The following PRSS1 variants were observed in gnomAD, a reference collection of about 807,000 sequenced individuals.
The protein encoded by PRSS1 is serine protease 1.
In PRSS1, 22 loss-of-function variants were observed where a neutral mutation model predicts 24.2. That is an observed-to-expected ratio of 0.91 (90% CI 0.65 to 1.30). The LOEUF is 1.30. PRSS1 is among the 50% of genes most tolerant of loss of function. The probability of loss-of-function intolerance (pLI) is 0.00; values close to 1 mark genes in which losing one functional copy is unlikely to be tolerated. For missense variants in PRSS1, 366 were observed against 304.2 expected (o/e 1.20, Z -1.51); for synonymous variants, 126 against 116.1 (o/e 1.08, Z -0.55).
At position 142,751,838 on chromosome 7, in the gene PRSS1, A is replaced by C. The variant is rs755816580; in HGVS notation, c.265A>C (p.Asn89His). The change falls in exon 3 of 5, where the codon AAT (asparagine) becomes CAT (histidine). Residue 89 changes from asparagine (N) to histidine (H), a missense_variant. Transcript: ENST00000311737. ...EVLEGNEQFI[N>H]AAKIIRHPQY... is the part of the protein sequence containing the mutation. ...CCTGGAGGGGAATGAGCAGTTCATCAATGCAGCCAAGATCATCCGCCACCC... is the reference window on the plus strand; with the variant it reads ...CCTGGAGGGGAATGAGCAGTTCATCCATGCAGCCAAGATCATCCGCCACCC... 1.9e-6 allele frequency: 3 copies of C among 1,608,626 alleles called. No individual in the cohort carries two copies. In the African/African-American group the frequency reaches 4.1e-5, roughly 22 times the overall value.
At chr7:142,752,128 A>C in intron 3 of PRSS1, 101 bp downstream of exon 3, 1 of 1,533,810 alleles carries the variant, frequency 6.5e-7, no homozygotes, top group Non-Finnish European at 9.0e-7. Context: ...GGCTTAAGAC[A>C]CATTTCGAGT....
chr7:142,749,603 C>G (rs1160870974), intron 1 of PRSS1, 79 bp downstream of exon 1: 3 of 1,529,112 alleles, frequency 2.0e-6, no homozygotes, highest in African/African-American at 2.7e-5. Context: ...CTTACCACCT[C>G]TCCTCTTTTG....
chr7:142,751,320 A>G (rs1267017996), intron 2 of PRSS1: 1 of 597,634 alleles, frequency 1.7e-6, no homozygotes. Context: ...AGTTCCCAGG[A>G]GATGCTAATG....
chr7:142,752,507 A>ATT lies in PRSS1; in HGVS notation c.531_532insTT (p.Lys178LeufsTer60). On this transcript the variant is annotated frameshift_variant, in exon 4 of 5. Coordinates refer to ENST00000311737, the MANE Select transcript of PRSS1 (RefSeq NM_002769.5). LOFTEE classifies it high-confidence loss of function. Reference sequence around the variant, plus strand: ...CTAAGTGTGAAGCCTCCTACCCTGGAAAGATTACCAGCAACATGTTCTGTG... The same window carrying ATT: ...CTAAGTGTGAAGCCTCCTACCCTGGATTAAGATTACCAGCAACATGTTCTGTG... The ATT allele has an allele frequency of 1.2e-6, 2 of 1,614,044 alleles. No homozygotes were observed. The highest frequency in any genetic ancestry group is 1.3e-5 in the African/African-American group (1 of 74,956).
At chr7:142,752,205 A>T (rs961835071) in intron 3 of PRSS1, among the ~76,000 whole-genome samples, 178 bp downstream of exon 3, 1 of 152,158 alleles carries the variant, frequency 6.6e-6, no homozygotes, top group African/African-American at 2.4e-5. Flanking sequence ...TTGGCTCCTA[A>T]AATCAAGAGA....
chr7:142,752,312 T>C lies in PRSS1; in HGVS notation c.455-119T>C, dbSNP rs111626281. On this transcript the variant is annotated intron_variant, in intron 3 of 4. Transcript: ENST00000311737. ...AGCCAGAGTCTCTTGCCAGGACTTA[T>C]GTTCTGGAGTCCTCTCCAGGGGCTG... 3.9e-4 allele frequency: 519 copies of C among 1,333,964 alleles called. 3 individuals carry two copies. The African/African-American group carries it at 0.01, about 26-fold the overall frequency. 82.6% of individuals were successfully genotyped at this position (1,333,964 alleles called of 1,614,324 possible).
intron 4 of PRSS1, 124 bp from the exon 5 acceptor site, chr7:142,752,744 G>T: frequency 6.0e-6 from 9 of 1,496,614 alleles, no homozygotes; most frequent in Non-Finnish European, 7.4e-6. Context: ...AACAGAGAAT[G>T]GGCCACCATG....
chr7:142,751,895 A>G lies in PRSS1; in HGVS notation c.322A>G (p.Ile108Val), dbSNP rs1563261231. The stretch of plus-strand genomic sequence containing the variant: ...CGACAGGAAGACTCTGAACAATGAC[A>G]TCATGTTAATCAAGCTCTCCTCACG... ...QYDRKTLNND[I>V]MLIKLSSRAV... Residue 108 changes from isoleucine to valine, a missense_variant, in exon 3 of 5, where the codon ATC (isoleucine) becomes GTC (valine). Ile to Val is a conservative substitution (Grantham distance 29, BLOSUM62 3). Coordinates refer to ENST00000311737, the MANE Select transcript of PRSS1 (RefSeq NM_002769.5). 3 of 1,614,058 alleles carry G rather than the reference A, an allele frequency of 1.9e-6. No individual in the cohort carries two copies. Among genetic ancestry groups the G allele is most frequent in the South Asian group, 2.2e-5 (2 of 91,066 alleles).
chr7:142,750,465 A>G, intron 1 of PRSS1, 90 bp from the exon 2 acceptor site: 3 of 1,428,432 alleles, frequency 2.1e-6, no homozygotes, highest in Non-Finnish European at 2.9e-6. Flanking sequence ...CTTGTTAAGG[A>G]TTTCTAATTA....
At position 142,751,807 on chromosome 7, in the gene PRSS1, C is replaced by T. The variant is rs200801370; in HGVS notation, c.234C>T (p.Ile78=). The change falls in exon 3 of 5, where the codon ATC becomes ATT. Residue 78 remains isoleucine, a synonymous_variant. Coordinates refer to ENST00000311737, the MANE Select transcript of PRSS1 (RefSeq NM_002769.5). ...AGGTGAGACTGGGAGAGCACAACAT[C>T]GAAGTCCTGGAGGGGAATGAGCAGT... The part of the protein sequence containing the change: ...RIQVRLGEHN[I]EVLEGNEQFI... The T allele has an allele frequency of 3.0e-5, 48 of 1,614,170 alleles. No homozygotes were observed. The highest frequency in any genetic ancestry group is 3.6e-5 in the Non-Finnish European group (43 of 1,180,028).
intron 2 of PRSS1, 190 bp from the exon 3 acceptor site, chr7:142,751,584 G>T (rs1350865244): frequency 1.2e-6 from 1 of 846,436 alleles, no homozygotes; most frequent in South Asian, 1.7e-5. Context: ...CCAACCTCTG[G>T]AGCAGATAGG....
intron 2 of PRSS1, chr7:142,751,545 C>G (rs1422005303): frequency 4.3e-6 from 3 of 704,916 alleles, no homozygotes; most frequent in Admixed American, 2.8e-5. Context: ...CTGGTGGGAT[C>G]CCTTTGACTC....
At position 142,752,854 on chromosome 7, in the gene PRSS1, C is replaced by G; in HGVS notation, c.592-14C>G. 1 of 1,613,630 alleles carries G rather than the reference C, an allele frequency of 6.2e-7. No homozygotes were observed. Among genetic ancestry groups the G allele is most frequent in the Non-Finnish European group, 8.5e-7 (1 of 1,179,504 alleles). ...CTCCATCTCTCCATACAACTTGTCCCTTCTTCCCCCCAGGGTGATTCTGGT... is the reference window on the plus strand; with the variant it reads ...CTCCATCTCTCCATACAACTTGTCCGTTCTTCCCCCCAGGGTGATTCTGGT... On this transcript the variant is annotated splice_polypyrimidine_tract_variant and intron_variant, in intron 4 of 4. Coordinates refer to ENST00000311737, the MANE Select transcript of PRSS1 (RefSeq NM_002769.5).
rs768051473 is a variant in PRSS1 at position 142,750,587 on chromosome 7, G to C, written c.73G>C (p.Val25Leu). The change falls in exon 2 of 5, where the codon GTT (valine) becomes CTT (leucine). Residue 25 changes from valine (V) to leucine (L), a missense_variant. Val to Leu is a conservative substitution (Grantham distance 32). Transcript: ENST00000311737. Reference sequence around the variant, plus strand: ...CCCCTTTGATGATGATGACAAGATCGTTGGGGGCTACAACTGTGAGGAGAA... The same window carrying C: ...CCCCTTTGATGATGATGACAAGATCCTTGGGGGCTACAACTGTGAGGAGAA... The part of the protein sequence containing the change: ...AAPFDDDDKI[V>L]GGYNCEENSV... 9 of 1,614,032 alleles carry C rather than the reference G, an allele frequency of 5.6e-6. No individual in the cohort carries two copies. Among genetic ancestry groups the C allele is most frequent in the South Asian group, 1.1e-5 (1 of 91,078 alleles).
In PRSS1 at chr7:142,750,429, T is replaced by C. The variant is rs1245404112; in HGVS notation, c.41-126T>C. ...TGATGATCACCAGGGGTGGCAGAGC[T>C]CCCTCCCTTGCCTAGCCTCACTGTG... On this transcript the variant is annotated intron_variant, in intron 1 of 4. Transcript: ENST00000311737. 3 of 1,510,120 alleles carry C rather than the reference T, an allele frequency of 2.0e-6. No individual in the cohort carries two copies. In the African/African-American group the frequency reaches 4.1e-5, roughly 21 times the overall value. 93.5% of individuals were successfully genotyped at this position (1,510,120 alleles called of 1,614,324 possible).
chr7:142,752,414 C>T lies in PRSS1; in HGVS notation c.455-17C>T. On this transcript the variant is annotated splice_polypyrimidine_tract_variant and intron_variant, in intron 3 of 4. Transcript: ENST00000311737. Reference sequence around the variant, plus strand: ...CCCACATTTCTACTTCCTTTGATCTCTTCCTGATCCTCACAGCCGACTACC... The same window carrying T: ...CCCACATTTCTACTTCCTTTGATCTTTTCCTGATCCTCACAGCCGACTACC... 1 of 1,613,650 alleles carries T rather than the reference C, an allele frequency of 6.2e-7. No individual in the cohort carries two copies. The highest frequency in any genetic ancestry group is 8.5e-7 in the Non-Finnish European group (1 of 1,179,562).
In PRSS1 at chr7:142,750,633, C is replaced by T. The variant is rs768277012; in HGVS notation, c.119C>T (p.Ser40Phe). 6.2e-6 allele frequency: 10 copies of T among 1,613,910 alleles called. No individual in the cohort carries two copies. The highest frequency in any genetic ancestry group is 1.3e-5 in the African/African-American group (1 of 74,944). Residue 40 changes from serine (S) to phenylalanine (F), a missense_variant, in exon 2 of 5, where the codon TCC (serine) becomes TTC (phenylalanine). Transcript: ENST00000311737. Reference sequence around the variant, plus strand: ...GAGAATTCTGTCCCCTACCAGGTGTCCCTGAATTCTGGCTACCACTTCTGT... The same window carrying T: ...GAGAATTCTGTCCCCTACCAGGTGTTCCTGAATTCTGGCTACCACTTCTGT... Reference protein sequence around the residue: ...CEENSVPYQVSLNSGYHFCGG... With the variant: ...CEENSVPYQVFLNSGYHFCGG...
chr7:142,752,913 G>T lies in PRSS1; in HGVS notation c.637G>T (p.Val213Phe). ...PVVCNGQLQG[V>F]VSWGDGCAQK... ...GGTCTGCAATGGACAGCTCCAAGGAGTTGTCTCCTGGGGTGATGGCTGTGC... is the reference window on the plus strand; with the variant it reads ...GGTCTGCAATGGACAGCTCCAAGGATTTGTCTCCTGGGGTGATGGCTGTGC... Residue 213 changes from valine (V) to phenylalanine (F), a missense_variant, in exon 5 of 5, where the codon GTT becomes TTT. Transcript: ENST00000311737. 6.6e-7 allele frequency: 1 copy of T among 1,523,466 alleles called. No homozygotes were observed. The highest frequency in any genetic ancestry group is 8.9e-7 in the Non-Finnish European group (1 of 1,129,896). The allele number at this position is 1,523,466 out of a possible 1,614,324, so 94.4% of individuals were successfully genotyped here. A position where few individuals can be genotyped will look rare whatever the true frequency, so the allele number is the denominator to read the frequency against.
intron 4 of PRSS1, 66 bp downstream of exon 4, chr7:142,752,633 A>T: frequency 6.2e-7 from 1 of 1,612,294 alleles, no homozygotes; most frequent in East Asian, 2.2e-5. Flanking sequence ...AGGGAAAAGG[A>T]TTTGAACTCA....
Sources: gnomAD v4.1 joint callset for allele counts (sites outside exome capture counted in the v4.1 genomes callset) on GRCh38, gnomAD v4.1.1 for gene constraint, MANE v1.5 for transcripts, NCBI Gene and HGNC (gene_info 2026-07-23, HGNC 2026-07-21) for gene names.